Variants in GAS7 observed in about 807,000 individuals in gnomAD.
The protein encoded by GAS7 is growth arrest-specific protein 7.
GAS7 carries 28 observed loss-of-function variants against 71.1 expected under a neutral mutation model. The observed-to-expected ratio is 0.39, with a 90% confidence interval of 0.29 to 0.54. The LOEUF (loss-of-function observed/expected upper bound fraction) is 0.54, where lower values mean the gene tolerates loss of function less well. Ranked by LOEUF, GAS7 falls within the 20% of genes least tolerant of loss-of-function variation. The probability of loss-of-function intolerance (pLI) is 0.62; values close to 1 mark genes in which losing one functional copy is unlikely to be tolerated. For synonymous variants in GAS7, 258 were observed against 245.8 expected (o/e 1.05, Z -0.46); for missense variants, 436 against 627.8 (o/e 0.69, Z 3.27).
intron 2 of GAS7, among the ~76,000 whole-genome samples, chr17:10,005,167 A>G (rs905747914): frequency 6.7e-6 from 1 of 149,926 alleles, no homozygotes; most frequent in Admixed American, 6.6e-5. Flanking sequence ...GTGTGTGCGC[A>G]CGCATGCATG....
chr17:10,101,247 A>G (rs952966002), intron 1 of GAS7, among the ~76,000 whole-genome samples: 1 of 152,196 alleles, frequency 6.6e-6, no homozygotes, highest in Non-Finnish European at 1.5e-5. Flanking sequence ...TGTAGTCACC[A>G]TAAGTCTCAA....
At chr17:10,178,091 G>C (rs2074386388) in intron 1 of GAS7, among the ~76,000 whole-genome samples, 1 of 152,172 alleles carries the variant, frequency 6.6e-6, no homozygotes, top group African/African-American at 2.4e-5. Flanking sequence ...GAGTGATCCA[G>C]AGCCTGAGTC....
chr17:9,969,590 C>G lies in GAS7; in HGVS notation c.471+87G>C. ...GGGGGCAGAACTGGGCTGCAGCCAC[C>G]TGGACTCCCATGATGGACTTTGTAA... On this transcript the variant is annotated intron_variant, in intron 4 of 13. Transcript: ENST00000432992. The surrounding 1 kb of genome is among the most constrained non-coding windows in gnomAD (Gnocchi z 5.5). 2.4e-6 allele frequency: 2 copies of G among 821,356 alleles called. No homozygotes were observed. Among genetic ancestry groups the G allele is most frequent in the Non-Finnish European group, 4.2e-6 (2 of 474,916 alleles). 50.9% of individuals were successfully genotyped at this position (821,356 alleles called of 1,614,324 possible). A position where few individuals can be genotyped will look rare whatever the true frequency, so the allele number is the denominator to read the frequency against.
At chr17:10,121,545 G>C (rs2073904419) in intron 1 of GAS7, among the ~76,000 whole-genome samples, 1 of 152,124 alleles carries the variant, frequency 6.6e-6, no homozygotes, top group Non-Finnish European at 1.5e-5. Context: ...ACTACTTACA[G>C]GTCTATTGTG....
At chr17:9,943,337 C>A (rs1325650513) in intron 6 of GAS7, 101 bp from the exon 7 acceptor site, 2 of 738,642 alleles carry the variant, frequency 2.7e-6, no homozygotes, top group Non-Finnish European at 4.9e-6. Context: ...GCCTGGCAAT[C>A]CCAGTCCAGC....
At chr17:10,033,769 T>C (rs2072680287) in intron 1 of GAS7, among the ~76,000 whole-genome samples, 1 of 152,156 alleles carries the variant, frequency 6.6e-6, no homozygotes. Flanking sequence ...TGGCCACCAG[T>C]TGCTGGCTGG....
At chr17:10,165,146 G>T (rs889139004) in intron 1 of GAS7, among the ~76,000 whole-genome samples, 16 of 145,316 alleles carry the variant, frequency 1.1e-4, no homozygotes, top group African/African-American at 4.1e-4. Flanking sequence ...AAAAAAAATA[G>T]CTGGGTGTGG....
chr17:9,940,614 A>G (rs1176568159), intron 7 of GAS7, among the ~76,000 whole-genome samples: 1 of 151,962 alleles, frequency 6.6e-6, no homozygotes, highest in African/African-American at 2.4e-5. Context: ...CAGCCCCAGA[A>G]CTCCCAGGTG....
chr17:9,927,780 G>A (rs1365671823), intron 9 of GAS7, among the ~76,000 whole-genome samples: 2 of 152,200 alleles, frequency 1.3e-5, no homozygotes, highest in Admixed American at 6.5e-5. Context: ...GAATACAAAG[G>A]TGAGCTAGAC....
At chr17:10,013,969 T>G (rs1389923749) in intron 2 of GAS7, among the ~76,000 whole-genome samples, 2 of 152,148 alleles carry the variant, frequency 1.3e-5, no homozygotes, top group Non-Finnish European at 2.9e-5. Flanking sequence ...GCTGGGCAGG[T>G]TGGTCACTGC....
At chr17:10,038,244 G>A (rs1245217902) in intron 1 of GAS7, among the ~76,000 whole-genome samples, 3 of 152,152 alleles carry the variant, frequency 2.0e-5, no homozygotes, top group African/African-American at 7.2e-5. Flanking sequence ...TGTAGTCCCA[G>A]CTACTTGGGA....
At position 9,942,808 on chromosome 17, in the gene GAS7, T is replaced by C. The variant is rs372865238; in HGVS notation, c.731+313A>G. On this transcript the variant is annotated intron_variant, in intron 7 of 13. Coordinates refer to ENST00000432992, the MANE Select transcript of GAS7 (RefSeq NM_201433.2). ...TAGCTGCTACTCAGCTCCAGCCAAG[T>C]GTCGCGTGAGGGATGTGGAGGCAAT... Among the ~76,000 whole-genome samples, 46 of 152,330 alleles carry C rather than the reference T, an allele frequency of 3.0e-4. No homozygotes were observed. The East Asian group carries it at 5.6e-3, about 19-fold the overall frequency.
intron 1 of GAS7, among the ~76,000 whole-genome samples, chr17:10,121,417 A>T (rs1371684729): frequency 6.6e-6 from 1 of 152,052 alleles, no homozygotes; most frequent in Non-Finnish European, 1.5e-5. Context: ...TTAAAAAAAG[A>T]ACTTGGGCTC....
intron 1 of GAS7, among the ~76,000 whole-genome samples, chr17:10,070,009 C>T (rs1415257495): frequency 6.6e-6 from 1 of 152,140 alleles, no homozygotes; most frequent in African/African-American, 2.4e-5. Flanking sequence ...AAAGGAATAC[C>T]CTTCTCTTGA....
chr17:10,124,470 C>T (rs1205886282), intron 1 of GAS7, among the ~76,000 whole-genome samples: 2 of 152,246 alleles, frequency 1.3e-5, no homozygotes, highest in Non-Finnish European at 1.5e-5. Flanking sequence ...ACTGGCAGAT[C>T]GGGGCTCTGG....
At chr17:10,163,682 C>T (rs1358922142) in intron 1 of GAS7, among the ~76,000 whole-genome samples, 2 of 152,102 alleles carry the variant, frequency 1.3e-5, no homozygotes, top group Admixed American at 6.6e-5. Flanking sequence ...CTGACAAGCT[C>T]TTGGTTCCAA....
intron 4 of GAS7, among the ~76,000 whole-genome samples, chr17:9,963,116 G>A (rs1457831888): frequency 6.6e-6 from 1 of 151,586 alleles, no homozygotes; most frequent in Non-Finnish European, 1.5e-5. Flanking sequence ...TGGATGAAAC[G>A]TTCTATCCAT....
chr17:10,145,341 C>T (rs1264143811), intron 1 of GAS7, among the ~76,000 whole-genome samples: 2 of 152,226 alleles, frequency 1.3e-5, no homozygotes. Context: ...TTCAGGGTTC[C>T]TCTGGAGCAA....
In GAS7 at chr17:10,085,879, G is replaced by C. The variant is rs888307081; in HGVS notation, c.184-65982C>G. On this transcript the variant is annotated intron_variant, in intron 1 of 13. Transcript: ENST00000432992. ...AAAAATGTTTTCCCAAGGTGGCAGA[G>C]CTCCTGAGTGACAGAGCCAGAATTG... Among the ~76,000 whole-genome samples, 4 of 152,230 alleles carry C rather than the reference G, an allele frequency of 2.6e-5. No homozygotes were observed. In the South Asian group the frequency reaches 8.3e-4, roughly 32 times the overall value.
Sources: allele counts gnomAD v4.1 joint callset (sites outside exome capture counted in the v4.1 genomes callset), GRCh38; gene constraint gnomAD v4.1.1; non-coding constraint Gnocchi (gnomAD v3.1); transcripts MANE v1.5; gene names NCBI Gene and HGNC (gene_info 2026-07-23, HGNC 2026-07-21).